AKAP14: variants seen among roughly 807,000 people sequenced by gnomAD.
AKAP14 encodes A-kinase anchor protein 14.
In AKAP14, 4 loss-of-function variants were observed where a neutral mutation model predicts 17.0. The observed-to-expected ratio is 0.23, with a 90% CI of 0.12 to 0.54. The LOEUF (loss-of-function observed/expected upper bound fraction) is 0.54, where lower values mean the gene tolerates loss of function less well. Among genes scored for constraint, AKAP14 ranks in the 20% least tolerant of loss-of-function variants. The pLI is 0.95. For missense variants in AKAP14, 129 were observed against 150.9 expected (o/e 0.85, Z 0.76); for synonymous variants, 42 against 51.3 (o/e 0.82, Z 0.77).
chrX:119,897,285 A>C (rs765471706), intron 2 of AKAP14, among the ~76,000 whole-genome samples: 2 of 108,176 alleles, frequency 1.8e-5, no homozygotes, highest in African/African-American at 3.4e-5. Flanking sequence ...TCAGACCCCC[A>C]AGTAGCTGGG....
rs780540927 is a variant in AKAP14 at position 119,903,249 on chromosome X, G to C, written c.26G>C (p.Ser9Thr). 1 of 1,209,796 alleles carries C rather than the reference G, an allele frequency of 8.3e-7. No homozygotes were observed. ...ATGAGTGAGACTCAAAATTCAACAA[G>C]CCAGAAAGCAATGGATGAGGATAAC... Reference protein sequence around the residue: MSETQNSTSQKAMDEDNKA... With the variant: MSETQNSTTQKAMDEDNKA... The change falls in exon 3 of 7, where the codon AGC becomes ACC. Residue 9 changes from serine to threonine, a missense_variant. By Grantham distance (58) the Ser-to-Thr change is moderately conservative (BLOSUM62 1). Transcript: ENST00000371431.
chrX:119,913,222 T>TC (rs1447543185), intron 4 of AKAP14, among the ~76,000 whole-genome samples: 43 of 111,502 alleles, frequency 3.9e-4, no homozygotes, highest in African/African-American at 1.4e-3. Flanking sequence ...AAACAAGGAA[T>TC]CCCTCCTTTC....
intron 2 of AKAP14, among the ~76,000 whole-genome samples, chrX:119,897,412 G>C (rs1362004609): frequency 1.8e-5 from 2 of 110,684 alleles, no homozygotes; most frequent in African/African-American, 6.6e-5. Context: ...GCCCGCCTTG[G>C]CCTCCCAAAG....
chrX:119,910,738 C>T (rs1370185674), intron 4 of AKAP14, among the ~76,000 whole-genome samples: 2 of 110,882 alleles, frequency 1.8e-5, no homozygotes, highest in African/African-American at 6.5e-5. Flanking sequence ...TCTCGTCTCA[C>T]CACAATCTCC....
At chrX:119,905,073 CCTT>C (rs2056589943) in intron 4 of AKAP14, among the ~76,000 whole-genome samples, 1 of 109,871 alleles carries the variant, frequency 9.1e-6, no homozygotes, top group Non-Finnish European at 1.9e-5. Context: ...GGCTTGAAAT[CCTT>C]CTCATTGTGC....
intron 4 of AKAP14, 35 bp downstream of exon 4, chrX:119,903,621 G>T (rs1489841854): frequency 6.6e-6 from 8 of 1,206,250 alleles, no homozygotes; most frequent in African/African-American, 1.7e-5. Context: ...ATGGTACACC[G>T]GTGTGAAGAA....
At chrX:119,920,108 A>C (rs2056680694) in intron 6 of AKAP14, 145 bp downstream of exon 6, 1 of 561,291 alleles carries the variant, frequency 1.8e-6, no homozygotes, top group Middle Eastern at 3.4e-4. Context: ...ATGGGCTGAA[A>C]CTGTTCTAGA....
chrX:119,912,123 G>T (rs747247982), intron 4 of AKAP14, among the ~76,000 whole-genome samples: 41 of 109,135 alleles, frequency 3.8e-4, no homozygotes, highest in Non-Finnish European at 7.0e-4. Context: ...TAGAGACGGG[G>T]TTTCACCATG....
chrX:119,916,830 A>G (rs1270228087), intron 5 of AKAP14, among the ~76,000 whole-genome samples: 1 of 98,616 alleles, frequency 1.0e-5, no homozygotes, highest in East Asian at 3.7e-4. Flanking sequence ...TTCCAAGGGC[A>G]GGCGCGGTGG....
intron 5 of AKAP14, among the ~76,000 whole-genome samples, chrX:119,917,199 A>C (rs772853771): frequency 2.8e-4 from 31 of 110,940 alleles, no homozygotes; most frequent in Non-Finnish European, 4.4e-4. Context: ...AAGTGCTGGC[A>C]GGGCATGGTA....
chrX:119,914,794 G>T lies in AKAP14; in HGVS notation c.357G>T (p.Trp119Cys). The T allele has an allele frequency of 8.3e-7, 1 of 1,210,253 alleles. No individual in the cohort carries two copies. The highest frequency in any genetic ancestry group is 1.8e-5 in the South Asian group (1 of 56,931). The change falls in exon 5 of 7, where the codon TGG (tryptophan) becomes TGT (cysteine). Residue 119 changes from tryptophan to cysteine, a missense_variant. Physicochemically the swap from Trp to Cys is radical, Grantham distance 215. Coordinates refer to ENST00000371431, the MANE Select transcript of AKAP14 (RefSeq NM_178813.6). ...HSFLYIYYVH[W>C]SISTADLPVA... is the part of the protein sequence containing the mutation. ...TCCTCTACATCTACTATGTACACTGGAGTATCTCAACTGCTGACCTACCCG... is the reference window on the plus strand; with the variant it reads ...TCCTCTACATCTACTATGTACACTGTAGTATCTCAACTGCTGACCTACCCG...
chrX:119,903,076 T>A, intron 2 of AKAP14, 138 bp from the exon 3 acceptor site: 1 of 572,338 alleles, frequency 1.7e-6, no homozygotes, highest in East Asian at 3.6e-5. Flanking sequence ...CTCCTACCCT[T>A]AAACCCCTAA....
At position 119,914,835 on chromosome X, in the gene AKAP14, C is replaced by T. The variant is rs146263846; in HGVS notation, c.398C>T (p.Ala133Val). 5.6e-5 allele frequency: 68 copies of T among 1,209,195 alleles called. No individual in the cohort carries two copies. Among genetic ancestry groups the T allele is most frequent in the Non-Finnish European group, 7.4e-5 (66 of 894,857 alleles). ...TADLPVARIS[A>V]GTYFTMKVSK... Reference sequence around the variant, plus strand: ...GACCTACCCGTAGCACGAATCTCTGCTGGTACCTACTTCACCATGAAGGTC... The same window carrying T: ...GACCTACCCGTAGCACGAATCTCTGTTGGTACCTACTTCACCATGAAGGTC... Residue 133 changes from alanine to valine, a missense_variant, in exon 5 of 7, where the codon GCT becomes GTT. Physicochemically the swap from Ala to Val is moderately conservative, Grantham distance 64 (BLOSUM62 0). Coordinates refer to ENST00000371431, the MANE Select transcript of AKAP14 (RefSeq NM_178813.6).
At chrX:119,897,100 G>A (rs2056533151) in intron 2 of AKAP14, among the ~76,000 whole-genome samples, 1 of 109,898 alleles carries the variant, frequency 9.1e-6, no homozygotes, top group Non-Finnish European at 1.9e-5. Context: ...GTGAGCCACC[G>A]CGCCCGGCCC....
intron 5 of AKAP14, among the ~76,000 whole-genome samples, chrX:119,916,920 A>C (rs1442679997): frequency 9.7e-6 from 1 of 102,860 alleles, no homozygotes; most frequent in Non-Finnish European, 2.0e-5. Flanking sequence ...AGCCCGACCA[A>C]CATGGTGAAA....
intron 2 of AKAP14, among the ~76,000 whole-genome samples, chrX:119,900,983 G>A (rs1176730225): frequency 8.9e-6 from 1 of 112,603 alleles, no homozygotes; most frequent in African/African-American, 3.2e-5. Context: ...CTAGCTCTGT[G>A]ATGGAGCCAT....
At chrX:119,900,540 T>C (rs2056559403) in intron 2 of AKAP14, among the ~76,000 whole-genome samples, 1 of 111,520 alleles carries the variant, frequency 9.0e-6, no homozygotes, top group Non-Finnish European at 1.9e-5. Flanking sequence ...GCCATGTTTT[T>C]TATTTTCTCT....
chrX:119,917,946 G>C (rs1325671396), intron 5 of AKAP14, among the ~76,000 whole-genome samples: 1 of 112,602 alleles, frequency 8.9e-6, no homozygotes, highest in Non-Finnish European at 1.9e-5. Flanking sequence ...CCAGCTTTCA[G>C]TAGTAAGGGC....
At chrX:119,911,075 G>A (rs971512836) in intron 4 of AKAP14, among the ~76,000 whole-genome samples, 1 of 107,634 alleles carries the variant, frequency 9.3e-6, no homozygotes, top group Non-Finnish European at 1.9e-5. Flanking sequence ...AATATTGGCC[G>A]GGCATGGTGG....
Sources: allele counts gnomAD v4.1 joint callset (sites outside exome capture counted in the v4.1 genomes callset), GRCh38; gene constraint gnomAD v4.1.1; transcripts MANE v1.5; gene names NCBI Gene and HGNC (gene_info 2026-07-23, HGNC 2026-07-21).